USP39: variants seen among roughly 807,000 people sequenced by gnomAD.
The protein encoded by USP39 is ubiquitin specific peptidase 39, also known as ubiquitin carboxyl-terminal hydrolase 39.
USP39 carries 38 observed loss-of-function variants against 66.4 expected under a neutral mutation model. That is an observed-to-expected ratio of 0.57 (90% CI 0.44 to 0.75). The LOEUF (loss-of-function observed/expected upper bound fraction) is 0.75, where lower values mean the gene tolerates loss of function less well. USP39 is among the 30% of genes least tolerant of loss of function. USP39 has a pLI of 0.00. For synonymous variants in USP39, 303 were observed against 274.6 expected, an observed-to-expected ratio of 1.10 and a Z score of -1.02; for missense variants, 608 against 714.4, an observed-to-expected ratio of 0.85 and a Z score of 1.70.
chr2:85,638,832 C>T (rs1038963853), intron 8 of USP39, among the ~76,000 whole-genome samples: 8 of 149,012 alleles, frequency 5.4e-5, no homozygotes, highest in Non-Finnish European at 1.0e-4. Flanking sequence ...CCATCATGCC[C>T]GGCCAATTTT....
upstream of USP39, chr2:85,609,035 C>T (rs956697443): frequency 5.0e-6 from 8 of 1,614,134 alleles, no homozygotes; most frequent in African/African-American, 1.1e-4. Context: ...TGTGTGCCGA[C>T]ACCTTCTCAC....
At chr2:85,645,290 T>A (rs1676556273) in intron 11 of USP39, 2 of 579,326 alleles carry the variant, frequency 3.5e-6, no homozygotes, top group Admixed American at 7.0e-5. Flanking sequence ...TTTTTTTTTT[T>A]TTTTGAGACA....
upstream of USP39, chr2:85,608,283 A>G (rs1362380170): frequency 1.3e-5 from 2 of 152,266 alleles, no homozygotes; most frequent in Non-Finnish European, 2.9e-5. Flanking sequence ...GGAGGGAGAC[A>G]TGCTTGCAAA....
At chr2:85,626,441 G>C (rs79456876) in intron 5 of USP39, among the ~76,000 whole-genome samples, 39 of 152,316 alleles carry the variant, frequency 2.6e-4, no homozygotes, top group African/African-American at 9.1e-4. Context: ...GACTCTACTT[G>C]AGTAATTGTT....
upstream of USP39, among the ~76,000 whole-genome samples, chr2:85,610,013 GTT>G (rs552989319): frequency 7.2e-5 from 9 of 125,128 alleles, no homozygotes; most frequent in African/African-American, 1.3e-4. Flanking sequence ...AGTGTAAGTG[GTT>G]TTTTTTTTTT....
chr2:85,609,878 ACCATGTTGGCCAGG>A (rs1169605132), upstream of USP39, among the ~76,000 whole-genome samples: 3 of 151,982 alleles, frequency 2.0e-5, no homozygotes, highest in Non-Finnish European at 4.4e-5. Context: ...ATGGGGTTTT[ACCATGTTGGCCAGG>A]CTGGTCTCAA....
intron 5 of USP39, among the ~76,000 whole-genome samples, chr2:85,627,416 A>G (rs1226161532): frequency 6.6e-6 from 1 of 151,864 alleles, no homozygotes; most frequent in East Asian, 1.9e-4. Context: ...GTTGGTAAGT[A>G]TAATAAGAAA....
In USP39 at chr2:85,637,452, C is replaced by T; in HGVS notation, c.1095+16C>T. On this transcript the variant is annotated intron_variant, in intron 8 of 12. Transcript: ENST00000323701. Reference sequence around the variant, plus strand: ...TCCTGATCTGGTGAGTTAATTGAGCCTGGGTCTTGGACTGATTCATATTGC... The same window carrying T: ...TCCTGATCTGGTGAGTTAATTGAGCTTGGGTCTTGGACTGATTCATATTGC... The T allele has an allele frequency of 1.2e-6, 2 of 1,613,642 alleles. No homozygotes were observed. The highest frequency in any genetic ancestry group is 1.1e-5 in the South Asian group (1 of 91,072).
chr2:85,608,991 TTGAGGGCTTCTCGCATGGG>T, upstream of USP39: 1 of 1,614,252 alleles, frequency 6.2e-7, no homozygotes. Context: ...GATACGCAAC[TTGAGGGCTTCTCGCATGGG>T]TGGATCCAGA....
chr2:85,640,621 T>TATA (rs1558871553), intron 9 of USP39, among the ~76,000 whole-genome samples: 2 of 111,094 alleles, frequency 1.8e-5, no homozygotes, highest in Non-Finnish European at 3.5e-5. Flanking sequence ...ATATATATAT[T>TATA]TTTTTTTTCT....
intron 10 of USP39, among the ~76,000 whole-genome samples, chr2:85,643,261 C>T (rs191045282): frequency 1.6e-3 from 241 of 152,088 alleles, no homozygotes; most frequent in African/African-American, 4.9e-3. Flanking sequence ...GAGGCCAAGG[C>T]GGGCGGATCA....
chr2:85,615,002 G>A (rs1673816567), upstream of USP39, among the ~76,000 whole-genome samples: 1 of 151,264 alleles, frequency 6.6e-6, no homozygotes, highest in South Asian at 2.1e-4. Context: ...GTGGTGTGGT[G>A]TGGTGTGGTG....
intron 1 of USP39, among the ~76,000 whole-genome samples, chr2:85,617,723 G>A (rs1350575301): frequency 6.6e-6 from 1 of 152,170 alleles, no homozygotes; most frequent in Non-Finnish European, 1.5e-5. Flanking sequence ...GTGTGCATGG[G>A]TTCTCCTCAC....
Position 85,621,524 on chromosome 2 carries a change from C to A in USP39, c.378C>A (p.Ile126=), listed in dbSNP as rs759418580. ...TTGACTTTGAGAAACTGTGTTCTAT[C>A]TCCCTCTCACACATCAATGCTTATG... ...LDFDFEKLCS[I]SLSHINAYAC... is the part of the protein sequence containing the mutation. The change falls in exon 3 of 13, where the codon ATC becomes ATA. Residue 126 remains isoleucine (I), a synonymous_variant. Transcript: ENST00000323701. 31 of 1,613,904 alleles carry A rather than the reference C, an allele frequency of 1.9e-5. No homozygotes were observed. Among genetic ancestry groups the A allele is most frequent in the Non-Finnish European group, 1.7e-6 (2 of 1,180,008 alleles).
chr2:85,618,716 T>C (rs1033580277), intron 1 of USP39, among the ~76,000 whole-genome samples: 3 of 152,178 alleles, frequency 2.0e-5, no homozygotes, highest in Non-Finnish European at 4.4e-5. Context: ...GTTGATTTTA[T>C]GTATACCAAA....
chr2:85,648,082 C>G, intron 12 of USP39, 66 bp downstream of exon 12: 1 of 1,553,634 alleles, frequency 6.4e-7, no homozygotes, highest in South Asian at 1.1e-5. Flanking sequence ...GAGGAGTGGG[C>G]CAAGGCAGGA....
chr2:85,621,400 C>G (rs978782271), intron 2 of USP39, 85 bp from the exon 3 acceptor site: 5 of 1,123,894 alleles, frequency 4.4e-6, no homozygotes, highest in Middle Eastern at 2.0e-4. Context: ...TATGTGGTAT[C>G]ATGGGTCACA....
At chr2:85,610,578 T>C (rs750214971), upstream of USP39, 10 of 152,082 alleles carry the variant, frequency 6.6e-5, no homozygotes, top group Admixed American at 4.6e-4. Context: ...TCTTATGAGG[T>C]TGTATAAAGA....
chr2:85,619,102 C>T (rs2104226663), intron 1 of USP39, 118 bp from the exon 2 acceptor site: 1 of 1,192,770 alleles, frequency 8.4e-7, no homozygotes, highest in East Asian at 2.6e-5. Context: ...TGTTGCCACC[C>T]AAACAATAGG....
Sources: allele counts gnomAD v4.1 joint callset (sites outside exome capture counted in the v4.1 genomes callset), GRCh38; gene constraint gnomAD v4.1.1; transcripts MANE v1.5; gene names NCBI Gene and HGNC (gene_info 2026-07-23, HGNC 2026-07-21).